The following MARCHF3 variants were observed in gnomAD, a reference collection of about 807,000 sequenced individuals.
MARCHF3 encodes membrane associated ring-CH-type finger 3.
MARCHF3 carries 13 observed loss-of-function variants against 24.2 expected under a neutral mutation model. That is an observed-to-expected ratio of 0.54 (90% CI 0.35 to 0.85). The LOEUF (loss-of-function observed/expected upper bound fraction) is 0.85. Among genes scored for constraint, MARCHF3 ranks in the 40% least tolerant of loss-of-function variants. The probability of loss-of-function intolerance (pLI) is 0.01; values close to 1 mark genes in which losing one functional copy is unlikely to be tolerated. For missense variants in MARCHF3, 276 were observed against 325.0 expected (o/e 0.85, Z 1.16); for synonymous variants, 144 against 137.3 (o/e 1.05, Z -0.34).
At chr5:126,982,808 G>A (rs1466079303) in intron 1 of MARCHF3, among the ~76,000 whole-genome samples, 1 of 152,192 alleles carries the variant, frequency 6.6e-6, no homozygotes, top group Non-Finnish European at 1.5e-5. Flanking sequence ...AGAGTACAAA[G>A]CTCAGAGATG....
chr5:126,924,825 G>A (rs1028202228), intron 1 of MARCHF3, among the ~76,000 whole-genome samples: 17 of 152,266 alleles, frequency 1.1e-4, no homozygotes, highest in African/African-American at 3.6e-4. Flanking sequence ...AATGTGTAGC[G>A]GCAAAGTAGT....
In MARCHF3 at chr5:126,958,868, A is replaced by G. The variant is rs189780235; in HGVS notation, c.-56-40641T>C. ...GGATCCAAGTGAATGAGCTACCACT[A>G]ATGACCAACAGTGGAACAATCTAAG... On this transcript the variant is annotated intron_variant, in intron 1 of 4. Transcript: ENST00000308660. 1.1e-3 allele frequency among the ~76,000 whole-genome samples: 167 copies of G among 152,320 alleles called. 1 individual carries two copies. The Middle Eastern group carries it at 0.014, about 12-fold the overall frequency.
At chr5:126,965,589 G>T (rs1186108236) in intron 1 of MARCHF3, among the ~76,000 whole-genome samples, 1 of 152,174 alleles carries the variant, frequency 6.6e-6, no homozygotes, top group Non-Finnish European at 1.5e-5. Context: ...TATTAATGCT[G>T]ATTGAACCTT....
chr5:127,008,733 A>G (rs1178271511), intron 1 of MARCHF3, among the ~76,000 whole-genome samples: 1 of 152,154 alleles, frequency 6.6e-6, no homozygotes, highest in Admixed American at 6.5e-5. Context: ...GCAGGAGCTG[A>G]GGAAGTCCAG....
intron 1 of MARCHF3, among the ~76,000 whole-genome samples, chr5:126,923,562 T>C (rs1292618302): frequency 6.6e-6 from 1 of 152,236 alleles, no homozygotes; most frequent in Non-Finnish European, 1.5e-5. Flanking sequence ...GGAGCAAGTC[T>C]GGACCTCCAT....
intron 1 of MARCHF3, among the ~76,000 whole-genome samples, chr5:126,990,585 G>C (rs1751719513): frequency 6.6e-6 from 1 of 152,142 alleles, no homozygotes; most frequent in Admixed American, 6.5e-5. Context: ...CATGGCAAAA[G>C]AAACTACCAT....
chr5:126,875,457 C>T (rs191020141), intron 4 of MARCHF3, among the ~76,000 whole-genome samples: 2 of 152,308 alleles, frequency 1.3e-5, no homozygotes, highest in African/African-American at 2.4e-5. Flanking sequence ...GGACTGACAC[C>T]GTGTTTGTTT....
intron 1 of MARCHF3, among the ~76,000 whole-genome samples, chr5:126,993,023 C>T (rs1306677370): frequency 1.3e-5 from 2 of 152,126 alleles, no homozygotes; most frequent in African/African-American, 4.8e-5. Flanking sequence ...CCGTCCGCCT[C>T]GGCCTCCCAA....
intron 1 of MARCHF3, among the ~76,000 whole-genome samples, chr5:126,947,308 C>G (rs1168529722): frequency 6.6e-6 from 1 of 152,248 alleles, no homozygotes; most frequent in South Asian, 2.1e-4. Flanking sequence ...GGCTCCTTCA[C>G]TTTCCCCCTT....
chr5:126,916,652 G>T (rs936423381), intron 2 of MARCHF3, among the ~76,000 whole-genome samples: 3 of 147,464 alleles, frequency 2.0e-5, no homozygotes, highest in Non-Finnish European at 4.5e-5. Flanking sequence ...GTACCGCATG[G>T]TGGGAAAGCA....
At chr5:126,985,255 CTCTTTT>C (rs1751524540) in intron 1 of MARCHF3, among the ~76,000 whole-genome samples, 2 of 152,108 alleles carry the variant, frequency 1.3e-5, no homozygotes, top group African/African-American at 4.8e-5. Context: ...TGAAATGCTG[CTCTTTT>C]TCTTTTTCTA....
chr5:126,874,501 G>C (rs532509930), intron 4 of MARCHF3, among the ~76,000 whole-genome samples: 1 of 151,608 alleles, frequency 6.6e-6, no homozygotes, highest in Non-Finnish European at 1.5e-5. Flanking sequence ...CAGGAGAATC[G>C]CTTGAACCTG....
At chr5:126,931,570 T>TACACACACACACAC (rs57567399) in intron 1 of MARCHF3, among the ~76,000 whole-genome samples, 1 of 142,780 alleles carries the variant, frequency 7.0e-6, no homozygotes, top group African/African-American at 2.6e-5. Context: ...CATACATGAA[T>TACACACACACACAC]ACACACACAC....
chr5:126,989,547 A>G (rs1241975473), intron 1 of MARCHF3, among the ~76,000 whole-genome samples: 1 of 152,022 alleles, frequency 6.6e-6, no homozygotes, highest in Non-Finnish European at 1.5e-5. Context: ...GTGCTGGTGC[A>G]ATGTAAATCT....
At chr5:127,016,241 G>A (rs980665196) in intron 1 of MARCHF3, among the ~76,000 whole-genome samples, 2 of 151,994 alleles carry the variant, frequency 1.3e-5, no homozygotes, top group African/African-American at 4.8e-5. Flanking sequence ...TGCAGACAAG[G>A]GTGAACTACT....
At chr5:126,898,481 C>T (rs904050175) in intron 3 of MARCHF3, among the ~76,000 whole-genome samples, 1 of 152,032 alleles carries the variant, frequency 6.6e-6, no homozygotes, top group Admixed American at 6.6e-5. Flanking sequence ...AGCAGATAAA[C>T]CAGTGTTTAG....
chr5:126,870,824 AATTCAGGTCAGCAGAAGTGGATAATC>A, intron 4 of MARCHF3, 33 bp from the exon 5 acceptor site: 1 of 1,611,714 alleles, frequency 6.2e-7, no homozygotes, highest in Non-Finnish European at 8.5e-7. Flanking sequence ...AAGAGAAAAG[AATTCAGGTCAGCAGAAGTGGATAATC>A]AATACAAGAA....
At chr5:126,928,512 TA>T (rs1419939896) in intron 1 of MARCHF3, among the ~76,000 whole-genome samples, 1 of 152,206 alleles carries the variant, frequency 6.6e-6, no homozygotes, top group Non-Finnish European at 1.5e-5. Flanking sequence ...AATTCTCAGA[TA>T]ATGACCTTTT....
At position 126,950,462 on chromosome 5, in the gene MARCHF3, G is replaced by C. The variant is rs146166953; in HGVS notation, c.-56-32235C>G. ...GATAAGCTTGCTTTCACTTCATGGA[G>C]AAAAGTGGAAGAATCCACAGAGAAC... On this transcript the variant is annotated intron_variant, in intron 1 of 4. Coordinates refer to ENST00000308660, the MANE Select transcript of MARCHF3 (RefSeq NM_178450.5). Among the ~76,000 whole-genome samples the C allele has an allele frequency of 1.3e-3, 203 of 152,084 alleles. 2 individuals carry two copies. The highest frequency in any genetic ancestry group is 4.7e-3 in the African/African-American group (194 of 41,454).
Sources: gnomAD v4.1 joint callset for allele counts (sites outside exome capture counted in the v4.1 genomes callset) on GRCh38, gnomAD v4.1.1 for gene constraint, MANE v1.5 for transcripts, NCBI Gene and HGNC (gene_info 2026-07-23, HGNC 2026-07-21) for gene names.